TMX3: variants seen among roughly 807,000 people sequenced by gnomAD.
The protein encoded by TMX3 is protein disulfide-isomerase TMX3.
Under a neutral mutation model 64.4 loss-of-function variants are expected in TMX3, and 40 were observed. That is an observed-to-expected ratio of 0.62 (90% confidence interval 0.48 to 0.81). The LOEUF is 0.81. TMX3 is among the 30% of genes least tolerant of loss of function. The probability of loss-of-function intolerance (pLI) is 0.00; values close to 1 mark genes in which losing one functional copy is unlikely to be tolerated. For missense variants in TMX3, 497 were observed against 534.5 expected (o/e 0.93, Z 0.69); for synonymous variants, 189 against 175.7 (o/e 1.08, Z -0.60).
In TMX3 at chr18:68,681,031, C is replaced by T; in HGVS notation, c.985G>A (p.Val329Ile). 1 of 1,601,228 alleles carries T rather than the reference C, an allele frequency of 6.2e-7. No homozygotes were observed. The highest frequency in any genetic ancestry group is 8.5e-7 in the Non-Finnish European group (1 of 1,174,366). The change falls in exon 14 of 16, where the codon GTT (valine) becomes ATT (isoleucine). Residue 329 changes from valine to isoleucine, a missense_variant. Physicochemically the swap from Val to Ile is conservative, Grantham distance 29 (BLOSUM62 3). Around this residue, in one of 3 missense-constraint regions of TMX3, gnomAD observed 43 missense variants for 75.3 expected, o/e 0.57. Coordinates refer to ENST00000299608, the MANE Select transcript of TMX3 (RefSeq NM_019022.5). Reference sequence around the variant, plus strand: ...TTAATAAACTGGACCATGTCTTCAACATTCTTAATCTGTCTATCTAGCAAG... The same window carrying T: ...TTAATAAACTGGACCATGTCTTCAATATTCTTAATCTGTCTATCTAGCAAG... ...YFLLDRQIKNVEDMVQFINNI... is the reference protein window; with the variant it reads ...YFLLDRQIKNIEDMVQFINNI...
At chr18:68,691,204 T>C (rs577450892) in intron 9 of TMX3, 91 bp downstream of exon 9, 3 of 855,536 alleles carry the variant, frequency 3.5e-6, no homozygotes, top group African/African-American at 1.7e-5. Flanking sequence ...CATTGAACAG[T>C]AGAAGCATTT....
At chr18:68,677,385 T>C (rs1351914041) in intron 15 of TMX3, among the ~76,000 whole-genome samples, 192 bp from the exon 16 acceptor site, 1 of 152,162 alleles carries the variant, frequency 6.6e-6, no homozygotes, top group Non-Finnish European at 1.5e-5. Context: ...TATATGCACA[T>C]ACATAAGCAT....
chr18:68,687,171 T>C (rs1458607668), intron 10 of TMX3: 2 of 985,242 alleles, frequency 2.0e-6, no homozygotes, highest in African/African-American at 3.5e-5. Context: ...TTTTATAGTT[T>C]GCATCTGAGA....
chr18:68,697,391 T>C (rs1428120758), intron 7 of TMX3, 88 bp from the exon 8 acceptor site: 3 of 639,444 alleles, frequency 4.7e-6, no homozygotes, highest in Non-Finnish European at 7.9e-6. Flanking sequence ...TTACCTTATG[T>C]AGTAAGAGTC....
chr18:68,696,408 G>A (rs1009663383), intron 8 of TMX3, among the ~76,000 whole-genome samples: 1 of 152,044 alleles, frequency 6.6e-6, no homozygotes, highest in Admixed American at 6.5e-5. Flanking sequence ...TTCTGACCTT[G>A]TGATCTGCCT....
chr18:68,706,601 AG>A (rs2145124552), intron 4 of TMX3, among the ~76,000 whole-genome samples: 1 of 152,308 alleles, frequency 6.6e-6, no homozygotes, highest in South Asian at 2.1e-4. Flanking sequence ...TTACATGCTG[AG>A]GAACAGTGAT....
In TMX3 at chr18:68,700,475, C is replaced by A. The variant is rs768329170; in HGVS notation, c.322G>T (p.Asp108Tyr). ...GGTCCTCTATAATTATATGCCAAGTCCCCTTTTAATCTTTAAAAAAAAAAA... is the reference window on the plus strand; with the variant it reads ...GGTCCTCTATAATTATATGCCAAGTACCCTTTTAATCTTTAAAAAAAAAAA... ...GYPTIKLLKG[D>Y]LAYNYRGPRT... The change falls in exon 6 of 16, where the codon GAC (aspartate) becomes TAC (tyrosine). Residue 108 changes from aspartate (D) to tyrosine (Y), a missense_variant. By Grantham distance (160) the Asp-to-Tyr change is radical. Around this residue, in one of 3 missense-constraint regions of TMX3, gnomAD observed 360 missense variants for 383.5 expected, o/e 0.94. Coordinates refer to ENST00000299608, the MANE Select transcript of TMX3 (RefSeq NM_019022.5). The A allele has an allele frequency of 1.3e-6, 2 of 1,551,306 alleles. No homozygotes were observed. The highest frequency in any genetic ancestry group is 8.7e-7 in the Non-Finnish European group (1 of 1,151,754).
intron 1 of TMX3, among the ~76,000 whole-genome samples, 197 bp downstream of exon 1, chr18:68,714,739 G>A (rs193139933): frequency 2.6e-4 from 40 of 152,358 alleles, no homozygotes; most frequent in Non-Finnish European, 5.9e-5. Context: ...CACAGCGGCG[G>A]CGGAAGGACC....
chr18:68,684,283 T>C (rs1329575918), intron 11 of TMX3, 40 bp from the exon 12 acceptor site: 2 of 1,561,420 alleles, frequency 1.3e-6, no homozygotes, highest in Admixed American at 3.5e-5. Flanking sequence ...ATCTCTGCAC[T>C]TGAAAAACAT....
rs373517845 is a variant in TMX3 at position 68,684,414 on chromosome 18, T to A, written c.794+14A>T. On this transcript the variant is annotated intron_variant, in intron 11 of 15. Coordinates refer to ENST00000299608, the MANE Select transcript of TMX3 (RefSeq NM_019022.5). ...TGAACATTTGAAGCTTAAAACTATA[T>A]CAAGGCATTATACCTGGTATGTTCA... is the stretch of plus-strand genomic sequence containing the variant. 6.2e-7 allele frequency: 1 copy of A among 1,609,362 alleles called. No homozygotes were observed. The highest frequency in any genetic ancestry group is 8.5e-7 in the Non-Finnish European group (1 of 1,176,584).
At chr18:68,693,537 G>C (rs1421233765) in intron 8 of TMX3, among the ~76,000 whole-genome samples, 1 of 152,094 alleles carries the variant, frequency 6.6e-6, no homozygotes, top group Non-Finnish European at 1.5e-5. Flanking sequence ...GGCCGAGCCT[G>C]AGTGTTGTCG....
At chr18:68,685,439 T>C (rs1913850484) in intron 10 of TMX3, among the ~76,000 whole-genome samples, 1 of 152,226 alleles carries the variant, frequency 6.6e-6, no homozygotes, top group South Asian at 2.1e-4. Context: ...CAGTTCACAA[T>C]GACATCTACC....
intron 12 of TMX3, among the ~76,000 whole-genome samples, chr18:68,683,919 T>C (rs1038220031): frequency 2.6e-5 from 4 of 152,180 alleles, no homozygotes; most frequent in African/African-American, 9.6e-5. Flanking sequence ...TGTTGATCTC[T>C]TACTGTACCT....
intron 4 of TMX3, among the ~76,000 whole-genome samples, chr18:68,707,194 CTT>C (rs774533164): frequency 4.3e-5 from 6 of 138,462 alleles, no homozygotes; most frequent in African/African-American, 1.1e-4. Flanking sequence ...TACAAAGGGA[CTT>C]TTTTTTTTTT....
chr18:68,676,809 T>G lies in TMX3; in HGVS notation c.*124A>C. 8.1e-7 allele frequency: 1 copy of G among 1,241,834 alleles called. No homozygotes were observed. The highest frequency in any genetic ancestry group is 1.1e-6 in the Non-Finnish European group (1 of 914,652). 76.9% of individuals were successfully genotyped at this position (1,241,834 alleles called of 1,614,324 possible). On this transcript the variant is annotated 3_prime_UTR_variant, in exon 16 of 16. Coordinates refer to ENST00000299608, the MANE Select transcript of TMX3 (RefSeq NM_019022.5). Reference sequence around the variant, plus strand: ...GGAGGGACTACTTTAATCCATGCAGTTGATATTAGCAAAATACGAATAACA... The same window carrying G: ...GGAGGGACTACTTTAATCCATGCAGGTGATATTAGCAAAATACGAATAACA...
chr18:68,712,828 C>T (rs987572855), intron 2 of TMX3, among the ~76,000 whole-genome samples: 2 of 151,984 alleles, frequency 1.3e-5, no homozygotes, highest in African/African-American at 4.8e-5. Flanking sequence ...CGAAGTGCCC[C>T]CATGGGACTG....
intron 4 of TMX3, among the ~76,000 whole-genome samples, chr18:68,703,056 G>A (rs1173991780): frequency 6.6e-6 from 1 of 152,168 alleles, no homozygotes; most frequent in Non-Finnish European, 1.5e-5. Context: ...ATTTATTTGT[G>A]CCCGTCTGTA....
chr18:68,693,177 T>C (rs1489484968), intron 8 of TMX3, among the ~76,000 whole-genome samples: 1 of 152,196 alleles, frequency 6.6e-6, no homozygotes, highest in Admixed American at 6.5e-5. Flanking sequence ...GTGGCCTCTT[T>C]TTCTCATCTT....
intron 10 of TMX3, chr18:68,687,303 ACAGGTAAAAG>A: frequency 1.0e-6 from 1 of 985,368 alleles, no homozygotes; most frequent in Non-Finnish European, 1.2e-6. Context: ...TTTCCCTTTC[ACAGGTAAAAG>A]CAGGCCTTAT....
Sources: gnomAD v4.1 joint callset for allele counts (sites outside exome capture counted in the v4.1 genomes callset) on GRCh38, gnomAD v4.1.1 for gene constraint, gnomAD v4.1.1 regional missense constraint, MANE v1.5 for transcripts, NCBI Gene and HGNC (gene_info 2026-07-23, HGNC 2026-07-21) for gene names.